SGCZ: variants seen among roughly 807,000 people sequenced by gnomAD.
The protein encoded by SGCZ is sarcoglycan zeta, also known as zeta-sarcoglycan.
Under a neutral mutation model 41.3 loss-of-function variants are expected in SGCZ, and 40 were observed. That is an observed-to-expected ratio of 0.97 (90% CI 0.75 to 1.26). The LOEUF is 1.26. SGCZ is among the 50% of genes most tolerant of loss of function. SGCZ has a pLI of 0.00. For synonymous variants in SGCZ, 206 were observed against 137.5 expected, an observed-to-expected ratio of 1.50 and a Z score of -3.49; for missense variants, 552 against 369.8, an observed-to-expected ratio of 1.49 and a Z score of -4.04.
At chr8:14,120,496 A>T (rs564908377) in intron 5 of SGCZ, among the ~76,000 whole-genome samples, 108 of 152,254 alleles carry the variant, frequency 7.1e-4, no homozygotes, top group African/African-American at 2.6e-3. Flanking sequence ...ATGTGGTTTT[A>T]TATTTGGCTA....
chr8:14,135,541 G>A (rs1400959237), intron 5 of SGCZ, among the ~76,000 whole-genome samples: 2 of 151,966 alleles, frequency 1.3e-5, no homozygotes, highest in East Asian at 1.9e-4. Flanking sequence ...AAGAAAGACT[G>A]AAGAAAATGT....
chr8:14,407,261 G>T (rs1431345139), intron 2 of SGCZ, among the ~76,000 whole-genome samples: 1 of 151,822 alleles, frequency 6.6e-6, no homozygotes, highest in African/African-American at 2.4e-5. Context: ...TAGAGACAGG[G>T]TTTCACCATG....
At chr8:14,499,389 T>C (rs997983917) in intron 2 of SGCZ, among the ~76,000 whole-genome samples, 4 of 152,064 alleles carry the variant, frequency 2.6e-5, no homozygotes, top group Non-Finnish European at 4.4e-5. Flanking sequence ...TTGCATCATA[T>C]ATACCTGTAT....
intron 2 of SGCZ, among the ~76,000 whole-genome samples, chr8:14,499,564 A>G (rs1370851482): frequency 6.6e-6 from 1 of 151,952 alleles, no homozygotes; most frequent in Non-Finnish European, 1.5e-5. Flanking sequence ...ATGCAATTTT[A>G]TGCTTAATTT....
chr8:14,539,753 G>A (rs1803403202), intron 2 of SGCZ, among the ~76,000 whole-genome samples: 1 of 151,806 alleles, frequency 6.6e-6, no homozygotes, highest in Admixed American at 6.6e-5. Context: ...GTGTCCATGT[G>A]TTCACATGAT....
chr8:14,987,890 G>T (rs1297331250), intron 1 of SGCZ, among the ~76,000 whole-genome samples: 6 of 151,848 alleles, frequency 4.0e-5, no homozygotes, highest in African/African-American at 1.2e-4. Context: ...AAATTAATTT[G>T]CTCCCAAACT....
chr8:14,590,453 C>T (rs762240502), intron 1 of SGCZ, among the ~76,000 whole-genome samples: 15 of 151,494 alleles, frequency 9.9e-5, no homozygotes, highest in Non-Finnish European at 1.5e-4. Flanking sequence ...GTAGTATGCA[C>T]TATGAAGAAT....
At chr8:14,201,246 T>C (rs1311298320) in intron 4 of SGCZ, among the ~76,000 whole-genome samples, 1 of 152,152 alleles carries the variant, frequency 6.6e-6, no homozygotes, top group Non-Finnish European at 1.5e-5. Flanking sequence ...ACACTTATCA[T>C]ACAACGTTGC....
chr8:14,842,622 AAC>A (rs1802963658), intron 1 of SGCZ, among the ~76,000 whole-genome samples: 1 of 152,180 alleles, frequency 6.6e-6, no homozygotes, highest in African/African-American at 2.4e-5. Context: ...GGGGAAACAA[AAC>A]ACAGTGCTTA....
intron 3 of SGCZ, among the ~76,000 whole-genome samples, chr8:14,238,506 G>A (rs758464288): frequency 4.6e-5 from 7 of 152,064 alleles, no homozygotes; most frequent in Non-Finnish European, 1.0e-4. Context: ...CTCTGGTAAC[G>A]TGTTGACTTT....
At chr8:14,257,621 A>G (rs1437024152) in intron 3 of SGCZ, among the ~76,000 whole-genome samples, 4 of 146,718 alleles carry the variant, frequency 2.7e-5, no homozygotes, top group Non-Finnish European at 4.6e-5. Context: ...TACTAATGCT[A>G]TCCCTCCCTC....
intron 4 of SGCZ, among the ~76,000 whole-genome samples, chr8:14,206,140 G>A (rs10102365): frequency 0.99 from 151,427 of 152,214 alleles, 75,328 homozygotes; most frequent in East Asian, 1. Context: ...CTAAGTATGT[G>A]TATAAGGTCA....
At chr8:14,403,776 A>G (rs914094646) in intron 2 of SGCZ, among the ~76,000 whole-genome samples, 1 of 152,184 alleles carries the variant, frequency 6.6e-6, no homozygotes, top group African/African-American at 2.4e-5. Flanking sequence ...AAGAAAAAAT[A>G]TACATGCAAT....
intron 1 of SGCZ, among the ~76,000 whole-genome samples, chr8:14,876,095 G>C (rs1480271317): frequency 6.6e-6 from 1 of 152,136 alleles, no homozygotes; most frequent in African/African-American, 2.4e-5. Context: ...TGGTGTGGTA[G>C]CCAAAAGCTT....
In SGCZ at chr8:14,216,164, A is replaced by G. The variant is rs528400487; in HGVS notation, c.424+21428T>C. On this transcript the variant is annotated intron_variant, in intron 4 of 7. Transcript: ENST00000382080. ...AAAGGCCAGATTCCCAGTCCTAAGT[A>G]AACTAACTTATCTAGATCAGTTTCT... 1.2e-4 allele frequency among the ~76,000 whole-genome samples: 19 copies of G among 152,336 alleles called. 1 individual carries two copies. In the South Asian group the frequency reaches 3.9e-3, roughly 32 times the overall value.
chr8:14,203,099 G>C (rs1281011746), intron 4 of SGCZ, among the ~76,000 whole-genome samples: 2 of 152,172 alleles, frequency 1.3e-5, no homozygotes, highest in African/African-American at 4.8e-5. Flanking sequence ...ATGATTGTGA[G>C]GCCTCCCCAG....
intron 1 of SGCZ, among the ~76,000 whole-genome samples, chr8:14,716,566 A>G (rs535556291): frequency 6.6e-6 from 1 of 152,160 alleles, no homozygotes; most frequent in Non-Finnish European, 1.5e-5. Flanking sequence ...CTAAAACATT[A>G]ATTTCTTTTG....
At chr8:15,197,823 T>C (rs1585664545) in intron 1 of SGCZ, among the ~76,000 whole-genome samples, 1 of 151,944 alleles carries the variant, frequency 6.6e-6, no homozygotes, top group South Asian at 2.1e-4. Context: ...TTTCACCTTA[T>C]CCTTTAGGTA....
At chr8:15,025,845 G>T (rs1373643608) in intron 1 of SGCZ, among the ~76,000 whole-genome samples, 3 of 152,116 alleles carry the variant, frequency 2.0e-5, no homozygotes, top group African/African-American at 7.2e-5. Context: ...ATCCTAAACT[G>T]TAATTTTTAT....
Sources: allele counts gnomAD v4.1 joint callset (sites outside exome capture counted in the v4.1 genomes callset), GRCh38; gene constraint gnomAD v4.1.1; transcripts MANE v1.5; gene names NCBI Gene and HGNC (gene_info 2026-07-23, HGNC 2026-07-21).